TRIO: variants seen among roughly 807,000 people sequenced by gnomAD.
TRIO encodes the protein trio Rho guanine nucleotide exchange factor.
In TRIO, 58 loss-of-function variants were observed where a neutral mutation model predicts 351.9. The ratio of observed to expected loss-of-function variants is 0.16; its 90% CI spans 0.13 to 0.21. The LOEUF (loss-of-function observed/expected upper bound fraction) is 0.21. Among genes scored for constraint, TRIO ranks in the 10% least tolerant of loss-of-function variants. The pLI, the probability that TRIO is intolerant of heterozygous loss-of-function variation, is 1.00. For synonymous variants in TRIO, 1,758 were observed against 1,595.7 expected (o/e 1.10, Z -2.42); for missense variants, 3,201 against 4,027.8 (o/e 0.79, Z 5.56).
chr5:14,310,797 T>C (rs368985004), intron 8 of TRIO, among the ~76,000 whole-genome samples: 216 of 152,318 alleles, frequency 1.4e-3, no homozygotes, highest in African/African-American at 5.0e-3. Context: ...GCGATTCTTG[T>C]GTCTTAGCCT....
At chr5:14,183,611 G>GA (rs1789924546) in intron 1 of TRIO, among the ~76,000 whole-genome samples, 1 of 151,614 alleles carries the variant, frequency 6.6e-6, no homozygotes, top group African/African-American at 2.4e-5. Context: ...GAAAAAAACA[G>GA]AAAAGAATTT....
chr5:14,359,492 C>T lies in TRIO; in HGVS notation c.2352C>T (p.Leu784=). The change falls in exon 13 of 57, where the codon CTC becomes CTT. Residue 784 remains leucine (L), a synonymous_variant. Coordinates refer to ENST00000344204, the MANE Select transcript of TRIO (RefSeq NM_007118.4). ...AGGAGCGCAAGATCAAGCTGGAGCT[C>T]TTCCTGCAGCTGCGCATCTTCGAGA... The part of the protein sequence containing the change: ...LFQERKIKLE[L]FLQLRIFERD... The T allele has an allele frequency of 6.2e-7, 1 of 1,614,276 alleles. No individual in the cohort carries two copies.
chr5:14,283,466 A>G (rs1190416372), intron 3 of TRIO, among the ~76,000 whole-genome samples: 1 of 152,216 alleles, frequency 6.6e-6, no homozygotes, highest in African/African-American at 2.4e-5. Context: ...AATGACCTGT[A>G]CATTTTGGGA....
At chr5:14,397,582 G>A (rs572738120) in intron 29 of TRIO, among the ~76,000 whole-genome samples, 3 of 152,302 alleles carry the variant, frequency 2.0e-5, no homozygotes, top group East Asian at 3.9e-4. Flanking sequence ...ATTTCCTTGT[G>A]TAACATGGTA....
Position 14,508,130 on chromosome 5 carries a change from G to A in TRIO, c.9002G>A (p.Cys3001Tyr), listed in dbSNP as rs776176447. The A allele has an allele frequency of 6.2e-7, 1 of 1,614,200 alleles. No individual in the cohort carries two copies. ...PFLDDSVEET[C>Y]LNICRLDFSF... ...CTGGATGACAGTGTGGAAGAGACCT[G>A]CCTGAACATTTGCCGCTTAGACTTT... The change falls in exon 57 of 57, where the codon TGC (cysteine) becomes TAC (tyrosine). Residue 3001 changes from cysteine to tyrosine, a missense_variant. By Grantham distance (194) the Cys-to-Tyr change is radical (BLOSUM62 -2). Transcript: ENST00000344204.
rs991012518 is a variant in TRIO, at chr5:14,406,184, G to A, written c.4859+194G>A. 6.1e-6 allele frequency: 5 copies of A among 825,362 alleles called. No individual in the cohort carries two copies. The African/African-American group carries it at 6.9e-5, about 11-fold the overall frequency. The allele number at this position is 825,362 out of a possible 1,614,324, so 51.1% of individuals were successfully genotyped here. ...AGATAAGAGCCTCTATTGGCTTAGAGTAAACGAAGGGCTGTGTGCAAACCT... is the reference window on the plus strand; with the variant it reads ...AGATAAGAGCCTCTATTGGCTTAGAATAAACGAAGGGCTGTGTGCAAACCT... On this transcript the variant is annotated intron_variant, in intron 32 of 56. Transcript: ENST00000344204.
At chr5:14,187,837 A>AGG (rs1220730879) in intron 1 of TRIO, among the ~76,000 whole-genome samples, 2 of 140,596 alleles carry the variant, frequency 1.4e-5, no homozygotes, top group Admixed American at 6.7e-5. Flanking sequence ...GACTTATGGG[A>AGG]GGGGAGGAAG....
At chr5:14,224,613 G>C (rs1386344945) in intron 1 of TRIO, among the ~76,000 whole-genome samples, 1 of 151,948 alleles carries the variant, frequency 6.6e-6, no homozygotes, top group Non-Finnish European at 1.5e-5. Context: ...TAAGTTGCTT[G>C]CAGGCATCCA....
At chr5:14,428,871 C>A (rs540380978) in intron 34 of TRIO, among the ~76,000 whole-genome samples, 1 of 152,218 alleles carries the variant, frequency 6.6e-6, no homozygotes, top group East Asian at 1.9e-4. Flanking sequence ...TGAGACGGGC[C>A]CTGAGGGGGT....
At chr5:14,397,813 C>G (rs1747738540) in intron 29 of TRIO, among the ~76,000 whole-genome samples, 1 of 151,816 alleles carries the variant, frequency 6.6e-6, no homozygotes, top group African/African-American at 2.4e-5. Context: ...ACTCAGAGGC[C>G]AAGCAAAACA....
At chr5:14,251,797 A>G (rs1275837662) in intron 1 of TRIO, among the ~76,000 whole-genome samples, 4 of 152,224 alleles carry the variant, frequency 2.6e-5, no homozygotes, top group Non-Finnish European at 5.9e-5. Context: ...CAGATGAAGC[A>G]GGTGTCAACA....
chr5:14,304,741 C>G (rs943076724), intron 8 of TRIO, 149 bp downstream of exon 8: 1 of 951,400 alleles, frequency 1.1e-6, no homozygotes, highest in Non-Finnish European at 1.5e-6. Context: ...GCATTTGAAC[C>G]CCTGTGTGTG....
chr5:14,373,493 C>A (rs1015031299), intron 18 of TRIO, among the ~76,000 whole-genome samples: 2 of 152,168 alleles, frequency 1.3e-5, no homozygotes, highest in African/African-American at 4.8e-5. Flanking sequence ...CAAGATGTTT[C>A]CAATTCACAT....
At chr5:14,382,547 A>T (rs11955578) in intron 21 of TRIO, among the ~76,000 whole-genome samples, 36,920 of 152,086 alleles carry the variant, frequency 0.24, 4,855 homozygotes, top group Middle Eastern at 0.37. Flanking sequence ...GGGGGAGGGC[A>T]GGGCGCAGGA....
At chr5:14,458,042 T>A in intron 34 of TRIO, among the ~76,000 whole-genome samples, 1 of 133,872 alleles carries the variant, frequency 7.5e-6, no homozygotes. Flanking sequence ...GGCCTGGGTC[T>A]TTTTTTTTTT....
At chr5:14,329,077 C>G (rs1740667571) in intron 9 of TRIO, among the ~76,000 whole-genome samples, 1 of 152,194 alleles carries the variant, frequency 6.6e-6, no homozygotes, top group Admixed American at 6.5e-5. Context: ...TGATACTCAC[C>G]AGCTGCTGCT....
chr5:14,390,638 A>G (rs964662748), intron 26 of TRIO, among the ~76,000 whole-genome samples: 17 of 152,148 alleles, frequency 1.1e-4, no homozygotes, highest in African/African-American at 4.1e-4. Context: ...ATGCTGTCCA[A>G]AGCCCACAGC....
At chr5:14,486,843 C>CCTGGGG (rs1262847631) in intron 47 of TRIO, among the ~76,000 whole-genome samples, 5 of 152,102 alleles carry the variant, frequency 3.3e-5, no homozygotes, top group Admixed American at 6.5e-5. Flanking sequence ...CTCACACATG[C>CCTGGGG]CTGGGGCTGG....
chr5:14,187,536 A>C (rs1343444369), intron 1 of TRIO, among the ~76,000 whole-genome samples: 4 of 152,134 alleles, frequency 2.6e-5, no homozygotes, highest in African/African-American at 9.7e-5. Flanking sequence ...AAACCATTGT[A>C]CCGAGGAGTG....
Sources: allele counts gnomAD v4.1 joint callset (sites outside exome capture counted in the v4.1 genomes callset), GRCh38; gene constraint gnomAD v4.1.1; transcripts MANE v1.5; gene names NCBI Gene and HGNC (gene_info 2026-07-23, HGNC 2026-07-21).